CCSER1: variants seen among roughly 807,000 people sequenced by gnomAD.
CCSER1 encodes coiled-coil serine rich protein 1, also known as serine-rich coiled-coil domain-containing protein 1.
Under a neutral mutation model 82.0 loss-of-function variants are expected in CCSER1, and 41 were observed. The ratio of observed to expected loss-of-function variants is 0.50; its 90% CI spans 0.39 to 0.65. The LOEUF is 0.65. CCSER1 is among the 30% of genes least tolerant of loss of function. CCSER1 has a pLI of 0.00. For missense variants in CCSER1, 1,119 were observed against 1,064.2 expected, an observed-to-expected ratio of 1.05 and a Z score of -0.72; for synonymous variants, 414 against 383.9, an observed-to-expected ratio of 1.08 and a Z score of -0.92.
chr4:90,820,281 G>A (rs1415845355), intron 8 of CCSER1, among the ~76,000 whole-genome samples: 1 of 152,080 alleles, frequency 6.6e-6, no homozygotes, highest in Non-Finnish European at 1.5e-5. Flanking sequence ...TGTATGTTTT[G>A]GTCTGTTTTG....
At chr4:91,082,635 G>T (rs1369041283) in intron 9 of CCSER1, among the ~76,000 whole-genome samples, 1 of 152,070 alleles carries the variant, frequency 6.6e-6, no homozygotes, top group Admixed American at 6.6e-5. Flanking sequence ...CCTACAGAAT[G>T]GGAGAAAATT....
intron 8 of CCSER1, among the ~76,000 whole-genome samples, chr4:90,917,256 G>A (rs1009130450): frequency 3.9e-5 from 6 of 152,186 alleles, no homozygotes; most frequent in Non-Finnish European, 8.8e-5. Flanking sequence ...CAAAGACTTG[G>A]AACCAAGCCA....
intron 7 of CCSER1, among the ~76,000 whole-genome samples, chr4:90,813,552 G>A (rs1160593885): frequency 6.6e-6 from 1 of 152,148 alleles, no homozygotes; most frequent in Non-Finnish European, 1.5e-5. Flanking sequence ...AATCACAGGG[G>A]CTGTTCTTTC....
At chr4:90,836,244 TCAGAA>T (rs1380605754) in intron 8 of CCSER1, among the ~76,000 whole-genome samples, 1 of 152,094 alleles carries the variant, frequency 6.6e-6, no homozygotes, top group Non-Finnish European at 1.5e-5. Flanking sequence ...CAGTGTGCAC[TCAGAA>T]CAGACATTTA....
intron 10 of CCSER1, among the ~76,000 whole-genome samples, chr4:91,374,285 A>T (rs942864478): frequency 2.6e-5 from 4 of 152,158 alleles, no homozygotes; most frequent in Admixed American, 2.0e-4. Flanking sequence ...AGAGAGGAGA[A>T]ATCAATGCCT....
At chr4:91,345,538 G>A (rs1033073262) in intron 10 of CCSER1, among the ~76,000 whole-genome samples, 11 of 147,838 alleles carry the variant, frequency 7.4e-5, no homozygotes, top group Middle Eastern at 6.8e-3. Flanking sequence ...TATTTTTTGT[G>A]TAGTTATAAT....
At chr4:91,403,131 A>G (rs1237982755) in intron 10 of CCSER1, among the ~76,000 whole-genome samples, 1 of 151,960 alleles carries the variant, frequency 6.6e-6, no homozygotes, top group Non-Finnish European at 1.5e-5. Flanking sequence ...AGTTGGATTC[A>G]TAGGTATTTT....
At chr4:91,520,065 G>A (rs12642555) in intron 10 of CCSER1, among the ~76,000 whole-genome samples, 15,425 of 152,042 alleles carry the variant, frequency 0.1, 850 homozygotes, top group South Asian at 0.2. Flanking sequence ...TGTTTTCTAC[G>A]TGTTTTATGT....
At chr4:90,398,823 T>G (rs1752399153) in intron 3 of CCSER1, among the ~76,000 whole-genome samples, 1 of 152,274 alleles carries the variant, frequency 6.6e-6, no homozygotes, top group East Asian at 1.9e-4. Flanking sequence ...GTATGTGCAC[T>G]ATTCATGGAT....
intron 1 of CCSER1, among the ~76,000 whole-genome samples, chr4:90,266,604 C>T (rs893166354): frequency 1.3e-5 from 2 of 152,014 alleles, no homozygotes; most frequent in African/African-American, 4.8e-5. Flanking sequence ...CTGATGCCAC[C>T]CCTCCCCCAT....
chr4:90,448,930 G>A (rs536445006), intron 4 of CCSER1, among the ~76,000 whole-genome samples: 2 of 152,236 alleles, frequency 1.3e-5, no homozygotes, highest in Admixed American at 6.5e-5. Context: ...GGAAGAATGA[G>A]GTATGCAGAC....
At chr4:90,909,550 A>G (rs1189255808) in intron 8 of CCSER1, among the ~76,000 whole-genome samples, 1 of 152,214 alleles carries the variant, frequency 6.6e-6, no homozygotes, top group Non-Finnish European at 1.5e-5. Context: ...GAGCCAAAGC[A>G]ATTTGGATGA....
chr4:90,889,556 A>G (rs1384187751), intron 8 of CCSER1, among the ~76,000 whole-genome samples: 1 of 152,186 alleles, frequency 6.6e-6, no homozygotes, highest in African/African-American at 2.4e-5. Context: ...GGAAACTGCT[A>G]GAGCAAATTT....
At chr4:91,182,874 CTGTAAAAG>C (rs1249106984) in intron 10 of CCSER1, among the ~76,000 whole-genome samples, 2 of 152,212 alleles carry the variant, frequency 1.3e-5, no homozygotes, top group African/African-American at 4.8e-5. Flanking sequence ...TTAACTCCTC[CTGTAAAAG>C]ATGAGGCATG....
intron 9 of CCSER1, among the ~76,000 whole-genome samples, chr4:91,062,208 C>A (rs1230238620): frequency 6.6e-6 from 1 of 151,976 alleles, no homozygotes; most frequent in Non-Finnish European, 1.5e-5. Flanking sequence ...ATTAATTATT[C>A]CAGCTACTTC....
intron 1 of CCSER1, among the ~76,000 whole-genome samples, chr4:90,148,047 C>G (rs1243536713): frequency 1.3e-5 from 2 of 152,092 alleles, no homozygotes; most frequent in Non-Finnish European, 1.5e-5. Flanking sequence ...TGCTTGTAAT[C>G]CCAGCTACTT....
At chr4:90,130,022 TTTA>T (rs1161641039) in intron 1 of CCSER1, among the ~76,000 whole-genome samples, 3 of 152,202 alleles carry the variant, frequency 2.0e-5, no homozygotes, top group African/African-American at 7.2e-5. Flanking sequence ...TCAGCAACTG[TTTA>T]TTATTTTAAA....
chr4:90,184,362 G>A (rs939703051), intron 1 of CCSER1, among the ~76,000 whole-genome samples: 4 of 152,086 alleles, frequency 2.6e-5, no homozygotes, highest in African/African-American at 9.7e-5. Flanking sequence ...AAGTTTCTAA[G>A]TGACACCAAA....
intron 4 of CCSER1, among the ~76,000 whole-genome samples, chr4:90,408,390 G>A (rs1754096073): frequency 6.6e-6 from 1 of 152,172 alleles, no homozygotes; most frequent in South Asian, 2.1e-4. Context: ...CCCCAGTAGG[G>A]GAGGACTGAC....
Sources: gnomAD v4.1 joint callset for allele counts (sites outside exome capture counted in the v4.1 genomes callset) on GRCh38, gnomAD v4.1.1 for gene constraint, MANE v1.5 for transcripts, NCBI Gene and HGNC (gene_info 2026-07-23, HGNC 2026-07-21) for gene names.